The following SH3BP4 variants were observed in gnomAD, a reference collection of about 807,000 sequenced individuals.
The protein encoded by SH3BP4 is SH3 domain binding protein 4.
A neutral mutation model predicts 65.5 loss-of-function variants in SH3BP4; 33 were observed. The ratio of observed to expected loss-of-function variants is 0.50; its 90% CI spans 0.38 to 0.67. SH3BP4 has a LOEUF of 0.67. Ranked by LOEUF, SH3BP4 falls within the 30% of genes least tolerant of loss-of-function variation. SH3BP4 has a pLI of 0.00. For missense variants in SH3BP4, 1,134 were observed against 1,261.4 expected, an observed-to-expected ratio of 0.90 and a Z score of 1.53; for synonymous variants, 552 against 545.5, an observed-to-expected ratio of 1.01 and a Z score of -0.17.
Position 235,026,107 on chromosome 2 carries a change from G to T in SH3BP4, c.-132-8764G>T, listed in dbSNP as rs912337889. On this transcript the variant is annotated intron_variant, in intron 2 of 5. Coordinates refer to ENST00000392011, the MANE Select transcript of SH3BP4 (RefSeq NM_014521.3). The surrounding 1 kb of genome is among the most constrained non-coding windows in gnomAD (Gnocchi z 4.6). ...CTGAGAACAACCCTACAGAGGGGAT[G>T]GGGGAGGGATGGGGCCAGGAATAGA... is the stretch of plus-strand genomic sequence containing the variant. Among the ~76,000 whole-genome samples, 5 of 152,132 alleles carry T rather than the reference G, an allele frequency of 3.3e-5. No homozygotes were observed. The highest frequency in any genetic ancestry group is 1.3e-4 in the Admixed American group (2 of 15,278).
chr2:235,035,153 G>A lies in SH3BP4; in HGVS notation c.118+33G>A, dbSNP rs1695337457. 6.7e-7 allele frequency: 1 copy of A among 1,497,010 alleles called. No homozygotes were observed. The highest frequency in any genetic ancestry group is 9.3e-7 in the Non-Finnish European group (1 of 1,074,460). 92.7% of individuals were successfully genotyped at this position (1,497,010 alleles called of 1,614,324 possible). On this transcript the variant is annotated intron_variant, in intron 3 of 5. Coordinates refer to ENST00000392011, the MANE Select transcript of SH3BP4 (RefSeq NM_014521.3). The surrounding 1 kb of genome is among the most constrained non-coding windows in gnomAD (Gnocchi z 5.0). ...TCTGGGGAACAGGACTGTGGCTAAGGGAGAACGTTGGGATTTTCAAGTTGG... is the reference window on the plus strand; with the variant it reads ...TCTGGGGAACAGGACTGTGGCTAAGAGAGAACGTTGGGATTTTCAAGTTGG...
intron 4 of SH3BP4, among the ~76,000 whole-genome samples, chr2:235,047,540 T>G (rs771672152): frequency 6.6e-6 from 1 of 152,172 alleles, no homozygotes; most frequent in Non-Finnish European, 1.5e-5. Flanking sequence ...AGCAGCGCCC[T>G]TTTGATGCAA....
chr2:235,049,885 G>C (rs1003970220), intron 4 of SH3BP4, among the ~76,000 whole-genome samples: 3 of 152,046 alleles, frequency 2.0e-5, no homozygotes, highest in Non-Finnish European at 4.4e-5. Flanking sequence ...GGGTCTGCAG[G>C]CTTCCTGTGC....
chr2:235,028,083 G>A (rs1695061558), intron 2 of SH3BP4, among the ~76,000 whole-genome samples: 1 of 152,236 alleles, frequency 6.6e-6, no homozygotes, highest in Non-Finnish European at 1.5e-5. Context: ...TTCCTGGGGA[G>A]GAGCCAAGAG....
intron 2 of SH3BP4, among the ~76,000 whole-genome samples, chr2:235,006,574 G>A (rs375571477): frequency 1.3e-5 from 2 of 152,118 alleles, no homozygotes; most frequent in Non-Finnish European, 2.9e-5. Context: ...TGCTCTCAGG[G>A]GCCTGTGCTC....
intron 1 of SH3BP4, chr2:234,983,432 T>A (rs74888896): frequency 6.6e-6 from 1 of 152,392 alleles, no homozygotes; most frequent in East Asian, 1.9e-4. Context: ...GAGAAGTAAA[T>A]GACAGATACA....
At position 235,041,579 on chromosome 2, in the gene SH3BP4, A is replaced by G. The variant is rs1179267115; in HGVS notation, c.810A>G (p.Lys270=). The change falls in exon 4 of 6, where the codon AAA becomes AAG. Residue 270 remains lysine (K), a synonymous_variant. Transcript: ENST00000392011. This position sits in a 1 kb window ranked among gnomAD's most constrained non-coding sequence, Gnocchi z 6.0. ...PTSSSFFTGL[K]SPAPEQFQSR... is the part of the protein sequence containing the mutation. ...CGTCGAGTTTCTTCACCGGCTTGAA[A>G]TCACCTGCCCCCGAGCAATTTCAGA... 6.2e-7 allele frequency: 1 copy of G among 1,614,062 alleles called. No individual in the cohort carries two copies. The highest frequency in any genetic ancestry group is 8.5e-7 in the Non-Finnish European group (1 of 1,180,030).
intron 1 of SH3BP4, among the ~76,000 whole-genome samples, chr2:234,955,828 C>T (rs1457704080): frequency 1.3e-5 from 2 of 152,178 alleles, no homozygotes; most frequent in East Asian, 1.9e-4. Flanking sequence ...TGAATCCTCA[C>T]GAAAACTACC....
At chr2:234,962,191 C>T (rs188280693) in intron 1 of SH3BP4, among the ~76,000 whole-genome samples, 144 of 152,246 alleles carry the variant, frequency 9.5e-4, no homozygotes, top group African/African-American at 3.3e-3. Flanking sequence ...GACTGGAGTG[C>T]GGTGGCCCAA....
At chr2:234,996,464 C>T (rs1040839607) in intron 2 of SH3BP4, among the ~76,000 whole-genome samples, 1 of 152,152 alleles carries the variant, frequency 6.6e-6, no homozygotes, top group Non-Finnish European at 1.5e-5. Context: ...AGGCTCAGGG[C>T]TTTTCATAGT....
At position 235,011,334 on chromosome 2, in the gene SH3BP4, T is replaced by C. The variant is rs182605476; in HGVS notation, c.-133+15958T>C. 1.2e-4 allele frequency among the ~76,000 whole-genome samples: 19 copies of C among 152,382 alleles called. 1 individual carries two copies. The East Asian group carries it at 3.3e-3, about 26-fold the overall frequency. ...ATCTGCCTTCATTGTTATGTGGCCC[T>C]CTTCTGTCTGTGTCTCTGTACTGGA... On this transcript the variant is annotated intron_variant, in intron 2 of 5. Coordinates refer to ENST00000392011, the MANE Select transcript of SH3BP4 (RefSeq NM_014521.3).
In SH3BP4 at chr2:235,035,986, A is replaced by G. The variant is rs1165916474; in HGVS notation, c.118+866A>G. 6.6e-6 allele frequency among the ~76,000 whole-genome samples: 1 copy of G among 152,230 alleles called. No individual in the cohort carries two copies. The highest frequency in any genetic ancestry group is 2.4e-5 in the African/African-American group (1 of 41,452). On this transcript the variant is annotated intron_variant, in intron 3 of 5. Transcript: ENST00000392011. The surrounding 1 kb of genome is among the most constrained non-coding windows in gnomAD (Gnocchi z 5.0). The stretch of plus-strand genomic sequence containing the variant: ...GCCTGGAGCACAGCTGAAAAGTAGG[A>G]ACTTGACTTTGACCATTTGTATCCT...
At chr2:235,037,579 G>A (rs981909832) in intron 3 of SH3BP4, among the ~76,000 whole-genome samples, 2 of 152,324 alleles carry the variant, frequency 1.3e-5, no homozygotes, top group Admixed American at 6.5e-5. Flanking sequence ...TGAAACTACT[G>A]TAAGGGAATT....
rs554392297 is a variant in SH3BP4, at chr2:234,976,434, C to T, written c.-206-18869C>T. Among the ~76,000 whole-genome samples the T allele has an allele frequency of 2.0e-5, 3 of 152,206 alleles. No individual in the cohort carries two copies. Among genetic ancestry groups the T allele is most frequent in the East Asian group, 1.9e-4 (1 of 5,188 alleles). On this transcript the variant is annotated intron_variant, in intron 1 of 5. Transcript: ENST00000392011. The surrounding 1 kb of genome is among the most constrained non-coding windows in gnomAD (Gnocchi z 4.7). Reference sequence around the variant, plus strand: ...TTAGATCCTTAGGGGGTGACAGGGCCGGTGTGTACCAGGTTAAGGTCTCTC... The same window carrying T: ...TTAGATCCTTAGGGGGTGACAGGGCTGGTGTGTACCAGGTTAAGGTCTCTC...
intron 3 of SH3BP4, among the ~76,000 whole-genome samples, chr2:235,037,506 A>G (rs956359474): frequency 4.6e-5 from 7 of 152,204 alleles, no homozygotes; most frequent in Non-Finnish European, 8.8e-5. Flanking sequence ...CTGAATGATA[A>G]TTCTCATTGA....
chr2:235,004,953 T>C (rs1694247036), intron 2 of SH3BP4, among the ~76,000 whole-genome samples: 1 of 152,208 alleles, frequency 6.6e-6, no homozygotes, highest in African/African-American at 2.4e-5. Context: ...CCCCAGGATT[T>C]TATGAATCTC....
intron 1 of SH3BP4, among the ~76,000 whole-genome samples, chr2:234,983,012 G>A (rs80184222): frequency 0.022 from 3,409 of 152,304 alleles, 58 homozygotes; most frequent in Non-Finnish European, 0.035. Flanking sequence ...CCAAACTGCC[G>A]ATTACAGGTG....
rs1315245754 is a variant in SH3BP4, at chr2:235,045,406, ACT to A, written c.2478+2165_2478+2166del. The stretch of plus-strand genomic sequence containing the variant: ...TTTTCCAAAAGACATAAATGATCAA[ACT>A]CTCTCAATTCGATTGGTGAGCATCT... On this transcript the variant is annotated intron_variant, in intron 4 of 5. Transcript: ENST00000392011. The surrounding 1 kb of genome is among the most constrained non-coding windows in gnomAD (Gnocchi z 4.3). Among the ~76,000 whole-genome samples, 4 of 151,848 alleles carry A rather than the reference ACT, an allele frequency of 2.6e-5. No individual in the cohort carries two copies. The highest frequency in any genetic ancestry group is 5.9e-5 in the Non-Finnish European group (4 of 67,950).
chr2:235,019,689 G>A (rs1316710055), intron 2 of SH3BP4, among the ~76,000 whole-genome samples: 1 of 151,794 alleles, frequency 6.6e-6, no homozygotes, highest in East Asian at 1.9e-4. Flanking sequence ...GCCCGCCTCA[G>A]CCTCTTAAAG....
Sources: gnomAD v4.1 joint callset for allele counts (sites outside exome capture counted in the v4.1 genomes callset) on GRCh38, gnomAD v4.1.1 for gene constraint, Gnocchi (gnomAD v3.1) non-coding constraint, MANE v1.5 for transcripts, NCBI Gene and HGNC (gene_info 2026-07-23, HGNC 2026-07-21) for gene names.